The following SEMA5A variants were observed in gnomAD, a reference collection of about 807,000 sequenced individuals.
SEMA5A encodes the protein semaphorin-5A.
Under a neutral mutation model 135.5 loss-of-function variants are expected in SEMA5A, and 55 were observed. That is an observed-to-expected ratio of 0.41 (90% confidence interval 0.33 to 0.51). The LOEUF (loss-of-function observed/expected upper bound fraction) is 0.51. Ranked by LOEUF, SEMA5A falls within the 20% of genes least tolerant of loss-of-function variation. SEMA5A has a pLI of 0.37. For synonymous variants in SEMA5A, 580 were observed against 546.5 expected, an observed-to-expected ratio of 1.06 and a Z score of -0.85; for missense variants, 1,290 against 1,419.9, an observed-to-expected ratio of 0.91 and a Z score of 1.47.
At chr5:9,453,688 G>A (rs972475302) in intron 1 of SEMA5A, among the ~76,000 whole-genome samples, 19 of 152,262 alleles carry the variant, frequency 1.2e-4, no homozygotes, top group African/African-American at 3.1e-4. Context: ...CCAGAGGCTC[G>A]CAGGAACCAA....
At chr5:9,194,955 T>C (rs1314491119) in intron 10 of SEMA5A, among the ~76,000 whole-genome samples, 1 of 152,174 alleles carries the variant, frequency 6.6e-6, no homozygotes, top group African/African-American at 2.4e-5. Flanking sequence ...TAAGGGGCTA[T>C]GAAGTTTACT....
In SEMA5A at chr5:9,306,085, T is replaced by C. The variant is rs771123256; in HGVS notation, c.270+12287A>G. ...TTGATTATTTTTAAGATTTATCCCT[T>C]TTCCACGAGTTTTCAGAAGTCTGAC... On this transcript the variant is annotated intron_variant, in intron 5 of 22. Coordinates refer to ENST00000382496, the MANE Select transcript of SEMA5A (RefSeq NM_003966.3). Among the ~76,000 whole-genome samples the C allele has an allele frequency of 5.6e-4, 85 of 152,370 alleles. 1 individual carries two copies. The highest frequency in any genetic ancestry group is 2.2e-3 in the Admixed American group (33 of 15,308).
chr5:9,278,770 C>A lies in SEMA5A; in HGVS notation c.270+39602G>T, dbSNP rs1362463265. The stretch of plus-strand genomic sequence containing the variant: ...GGCTTCAGAGGGTGCAAGCCCCAAG[C>A]CTCAGTAGCATCTACGTGGTGCTGG... On this transcript the variant is annotated intron_variant, in intron 5 of 22. Transcript: ENST00000382496. Among the ~76,000 whole-genome samples the A allele has an allele frequency of 3.3e-5, 5 of 152,200 alleles. No homozygotes were observed. The East Asian group carries it at 9.6e-4, about 29-fold the overall frequency.
In SEMA5A at chr5:9,385,746, T is replaced by TA. The variant is rs540163997; in HGVS notation, c.-77-5724dup. 5.9e-4 allele frequency among the ~76,000 whole-genome samples: 87 copies of TA among 148,466 alleles called. 1 individual carries two copies. Among genetic ancestry groups the TA allele is most frequent in the African/African-American group, 2.0e-3 (81 of 40,258 alleles). ...GGAACAGTTACAGATTGTCATAATG[T>TA]AAAAAAACAAAACATCCAGGATTTG... On this transcript the variant is annotated intron_variant, in intron 2 of 22. Coordinates refer to ENST00000382496, the MANE Select transcript of SEMA5A (RefSeq NM_003966.3).
At chr5:9,114,649 A>G (rs1017903580) in intron 15 of SEMA5A, among the ~76,000 whole-genome samples, 2 of 152,216 alleles carry the variant, frequency 1.3e-5, no homozygotes, top group African/African-American at 4.8e-5. Context: ...TTCCAAACAA[A>G]GTGTTGAAGG....
At chr5:9,187,899 G>A (rs1744895645) in intron 11 of SEMA5A, among the ~76,000 whole-genome samples, 1 of 152,182 alleles carries the variant, frequency 6.6e-6, no homozygotes, top group East Asian at 1.9e-4. Context: ...GAGGGTGTTG[G>A]GAGCAGCAGT....
At position 9,037,563 on chromosome 5, in the gene SEMA5A, T is replaced by TAA. The variant is rs976305030; in HGVS notation, c.*5332_*5333dup. The TAA allele has an allele frequency of 6.0e-4, 92 of 152,328 alleles. No homozygotes were observed. The highest frequency in any genetic ancestry group is 2.2e-3 in the African/African-American group (90 of 41,578). 9.4% of individuals were successfully genotyped at this position (152,328 alleles called of 1,614,324 possible). On this transcript the variant is annotated 3_prime_UTR_variant, in exon 23 of 23. Coordinates refer to ENST00000382496, the MANE Select transcript of SEMA5A (RefSeq NM_003966.3). The stretch of plus-strand genomic sequence containing the variant: ...CAATGTGTACAATGCATCTTTAATA[T>TAA]AAGTCCATAGGAAAGGAGTATTTAA...
chr5:9,493,378 A>T (rs1036053823), intron 1 of SEMA5A, among the ~76,000 whole-genome samples: 1 of 151,636 alleles, frequency 6.6e-6, no homozygotes, highest in Non-Finnish European at 1.5e-5. Flanking sequence ...ACAATCCTAC[A>T]CTTATACATT....
At chr5:9,050,079 G>A (rs1736482277) in intron 21 of SEMA5A, among the ~76,000 whole-genome samples, 1 of 152,098 alleles carries the variant, frequency 6.6e-6, no homozygotes, top group African/African-American at 2.4e-5. Context: ...AGAATCACCT[G>A]CAAGGCTAAT....
intron 8 of SEMA5A, among the ~76,000 whole-genome samples, chr5:9,221,155 G>C (rs1351227333): frequency 6.6e-6 from 1 of 152,206 alleles, no homozygotes; most frequent in Non-Finnish European, 1.5e-5. Flanking sequence ...AGAGAAGTCT[G>C]AGAGCATCAT....
At chr5:9,288,778 G>A (rs887579270) in intron 5 of SEMA5A, among the ~76,000 whole-genome samples, 1 of 152,132 alleles carries the variant, frequency 6.6e-6, no homozygotes, top group Non-Finnish European at 1.5e-5. Flanking sequence ...CCAAAATGTA[G>A]TCTTGGTAAG....
chr5:9,360,117 T>C (rs1176878875), intron 3 of SEMA5A, among the ~76,000 whole-genome samples: 1 of 152,238 alleles, frequency 6.6e-6, no homozygotes, highest in African/African-American at 2.4e-5. Flanking sequence ...AACTACTCAC[T>C]AGATGAACCA....
At chr5:9,530,002 A>G (rs1274260271) in intron 1 of SEMA5A, among the ~76,000 whole-genome samples, 1 of 152,218 alleles carries the variant, frequency 6.6e-6, no homozygotes, top group Non-Finnish European at 1.5e-5. Flanking sequence ...GGTGTTCGAC[A>G]AGGCTCAGCA....
chr5:9,136,446 AG>A (rs1418525485), intron 13 of SEMA5A, 57 bp downstream of exon 13: 5 of 1,429,660 alleles, frequency 3.5e-6, no homozygotes, highest in Non-Finnish European at 4.9e-6. Context: ...GAGGATCGCC[AG>A]GGGAGCATGG....
intron 11 of SEMA5A, among the ~76,000 whole-genome samples, chr5:9,171,385 A>C (rs1231700439): frequency 6.6e-6 from 1 of 152,184 alleles, no homozygotes; most frequent in Non-Finnish European, 1.5e-5. Context: ...GAGGGCAGGA[A>C]AGGCCCAGTT....
intron 15 of SEMA5A, among the ~76,000 whole-genome samples, chr5:9,114,804 A>C (rs2150169251): frequency 6.6e-6 from 1 of 152,370 alleles, no homozygotes; most frequent in Non-Finnish European, 1.5e-5. Flanking sequence ...AATATGAAAT[A>C]GCTTTCACAG....
At chr5:9,543,278 A>T in intron 1 of SEMA5A, among the ~76,000 whole-genome samples, 1 of 152,184 alleles carries the variant, frequency 6.6e-6, no homozygotes, top group East Asian at 1.9e-4. Flanking sequence ...CATGACTCTA[A>T]AATTTATGCA....
chr5:9,484,239 A>G (rs1349801099), intron 1 of SEMA5A, among the ~76,000 whole-genome samples: 2 of 152,206 alleles, frequency 1.3e-5, no homozygotes, highest in Non-Finnish European at 2.9e-5. Flanking sequence ...CTGCTAACTG[A>G]AACTGAAGGC....
chr5:9,431,332 C>CACTA (rs1213505374), intron 2 of SEMA5A, among the ~76,000 whole-genome samples: 5 of 152,192 alleles, frequency 3.3e-5, no homozygotes, highest in Admixed American at 1.3e-4. Context: ...AATGTAAGTG[C>CACTA]ACTATTCTTA....
Sources: allele counts gnomAD v4.1 joint callset (sites outside exome capture counted in the v4.1 genomes callset), GRCh38; gene constraint gnomAD v4.1.1; transcripts MANE v1.5; gene names NCBI Gene and HGNC (gene_info 2026-07-23, HGNC 2026-07-21).